The following TOX variants were observed in gnomAD, a reference collection of about 807,000 sequenced individuals.
TOX encodes the protein thymocyte selection associated high mobility group box, also known as thymocyte selection-associated high mobility group box protein TOX.
Under a neutral mutation model 53.7 loss-of-function variants are expected in TOX, and 11 were observed. That is an observed-to-expected ratio of 0.20 (90% CI 0.13 to 0.34). The LOEUF is 0.34. Ranked by LOEUF, TOX falls within the 10% of genes least tolerant of loss-of-function variation. The pLI is 1.00. For synonymous variants in TOX, 225 were observed against 245.3 expected, an observed-to-expected ratio of 0.92 and a Z score of 0.77; for missense variants, 570 against 664.6, an observed-to-expected ratio of 0.86 and a Z score of 1.56.
chr8:59,010,321 CT>C (rs1813879909), intron 1 of TOX, among the ~76,000 whole-genome samples: 1 of 152,072 alleles, frequency 6.6e-6, no homozygotes, highest in Non-Finnish European at 1.5e-5. Flanking sequence ...ATTATTATGA[CT>C]ATTACTATTA....
At chr8:58,873,957 G>GTTTTTTTTTTTTTT (rs1585873069) in intron 3 of TOX, among the ~76,000 whole-genome samples, 2 of 43,992 alleles carry the variant, frequency 4.5e-5, no homozygotes, top group African/African-American at 6.3e-4. Flanking sequence ...ATGCCAGGAA[G>GTTTTTTTTTTTTTT]CTTTTTTTTT....
In TOX at chr8:59,067,227, A is replaced by AGATGT. The variant is rs1290341355; in HGVS notation, c.102+51654_102+51658dup. 2.0e-5 allele frequency among the ~76,000 whole-genome samples: 3 copies of AGATGT among 152,316 alleles called. No homozygotes were observed. In the East Asian group the frequency reaches 5.8e-4, roughly 29 times the overall value. On this transcript the variant is annotated intron_variant, in intron 1 of 8. Transcript: ENST00000361421. The stretch of plus-strand genomic sequence containing the variant: ...AAAAACAAAAATAAAACAATCTTAA[A>AGATGT]GATGTGCTTAAACAATGCTCTCATT...
At position 58,815,411 on chromosome 8, in the gene TOX, G is replaced by A; in HGVS notation, c.1319C>T (p.Thr440Ile). ...HLNMQQHQPLTMQQPLGNQLP... is the reference protein window; with the variant it reads ...HLNMQQHQPLIMQQPLGNQLP... ...CTGGTTCCCAAGGGGCTGCTGCATG[G>A]TGAGCGGCTGGTGCTGCTGCATGTT... Residue 440 changes from threonine (T) to isoleucine (I), a missense_variant, in exon 7 of 9, where the codon ACC becomes ATC. Coordinates refer to ENST00000361421, the MANE Select transcript of TOX (RefSeq NM_014729.3). 2 of 1,614,014 alleles carry A rather than the reference G, an allele frequency of 1.2e-6. No homozygotes were observed. Among genetic ancestry groups the A allele is most frequent in the Non-Finnish European group, 8.5e-7 (1 of 1,179,950 alleles).
At chr8:58,869,244 G>A (rs1197889297) in intron 3 of TOX, among the ~76,000 whole-genome samples, 10 of 116,676 alleles carry the variant, frequency 8.6e-5, no homozygotes, top group African/African-American at 1.3e-4. Context: ...AAAAAAAAAA[G>A]CGTTAATAGA....
intron 2 of TOX, among the ~76,000 whole-genome samples, chr8:58,947,635 T>C (rs1900773): frequency 0.31 from 46,757 of 152,044 alleles, 7,454 homozygotes; most frequent in East Asian, 0.4. Context: ...GTTATAAAGA[T>C]AGTGAATTAG....
At chr8:58,810,480 A>G (rs1810058658) in intron 7 of TOX, among the ~76,000 whole-genome samples, 1 of 152,104 alleles carries the variant, frequency 6.6e-6, no homozygotes, top group African/African-American at 2.4e-5. Flanking sequence ...AGCTGGGACT[A>G]CAGGTGCTGC....
chr8:58,971,879 TG>T (rs1329623944), intron 1 of TOX, among the ~76,000 whole-genome samples: 1 of 152,168 alleles, frequency 6.6e-6, no homozygotes, highest in Admixed American at 6.5e-5. Flanking sequence ...TTGGTAGAGA[TG>T]GGATTTCACC....
intron 1 of TOX, among the ~76,000 whole-genome samples, chr8:59,002,797 A>C (rs147594018): frequency 1.6e-3 from 251 of 152,326 alleles, no homozygotes; most frequent in South Asian, 8.5e-3. Context: ...ATAGGGAATA[A>C]ATTAGTCATT....
intron 1 of TOX, among the ~76,000 whole-genome samples, chr8:59,052,400 G>A (rs1156917577): frequency 6.6e-6 from 1 of 152,140 alleles, no homozygotes; most frequent in East Asian, 1.9e-4. Context: ...CACGTGTCAT[G>A]TGGAAATAAA....
chr8:59,029,016 A>G (rs1366290), intron 1 of TOX, among the ~76,000 whole-genome samples: 66,234 of 152,006 alleles, frequency 0.44, 14,573 homozygotes, highest in Non-Finnish European at 0.47. Context: ...CAGCATACAA[A>G]TAGATAATTG....
At chr8:58,980,431 T>C (rs1813182000) in intron 1 of TOX, among the ~76,000 whole-genome samples, 1 of 152,222 alleles carries the variant, frequency 6.6e-6, no homozygotes, top group African/African-American at 2.4e-5. Flanking sequence ...TAAGATTTAC[T>C]CTTCTGTTTA....
intron 3 of TOX, among the ~76,000 whole-genome samples, chr8:58,861,709 C>T (rs1202525636): frequency 6.6e-6 from 1 of 152,144 alleles, no homozygotes; most frequent in Non-Finnish European, 1.5e-5. Context: ...CTAGAACTAC[C>T]TCTGTGTATT....
At chr8:59,028,056 C>T (rs376017230) in intron 1 of TOX, among the ~76,000 whole-genome samples, 1 of 152,128 alleles carries the variant, frequency 6.6e-6, no homozygotes, top group African/African-American at 2.4e-5. Flanking sequence ...ATATACTAAG[C>T]ATTAGAACTA....
intron 1 of TOX, among the ~76,000 whole-genome samples, chr8:59,035,308 T>G (rs2129420306): frequency 1.3e-5 from 2 of 152,224 alleles, no homozygotes; most frequent in South Asian, 4.1e-4. Flanking sequence ...AGCCAATAAT[T>G]TAATGCAAGT....
At chr8:58,884,544 C>T (rs1811436120) in intron 3 of TOX, among the ~76,000 whole-genome samples, 1 of 152,092 alleles carries the variant, frequency 6.6e-6, no homozygotes, top group Non-Finnish European at 1.5e-5. Context: ...TGTCAAAGAG[C>T]TTTGCAGGTA....
rs554819667 is a variant in TOX at position 58,844,506 on chromosome 8, T to C, written c.694-6195A>G. ...ATGCACAAATGTGAATTCCTTATGA[T>C]GACAAGCACATTGAAAGTAAGGAGC... On this transcript the variant is annotated intron_variant, in intron 4 of 8. Coordinates refer to ENST00000361421, the MANE Select transcript of TOX (RefSeq NM_014729.3). Among the ~76,000 whole-genome samples, 5 of 152,300 alleles carry C rather than the reference T, an allele frequency of 3.3e-5. No individual in the cohort carries two copies. In the South Asian group the frequency reaches 6.2e-4, roughly 19 times the overall value.
intron 3 of TOX, among the ~76,000 whole-genome samples, chr8:58,905,011 C>T (rs1466255986): frequency 6.6e-6 from 1 of 152,222 alleles, no homozygotes; most frequent in Middle Eastern, 3.2e-3. Flanking sequence ...TGGCTCACTG[C>T]AAGCTCCACC....
chr8:58,942,494 C>T (rs982747268), intron 2 of TOX, among the ~76,000 whole-genome samples: 2 of 152,050 alleles, frequency 1.3e-5, no homozygotes, highest in Admixed American at 1.3e-4. Context: ...TCATGATATG[C>T]TTATTTGCCA....
intron 1 of TOX, among the ~76,000 whole-genome samples, chr8:58,990,252 T>C (rs1363654438): frequency 1.3e-5 from 2 of 152,114 alleles, no homozygotes; most frequent in Non-Finnish European, 2.9e-5. Flanking sequence ...GAAATTCAGA[T>C]GGGATTTGAC....
Sources: allele counts gnomAD v4.1 joint callset (sites outside exome capture counted in the v4.1 genomes callset), GRCh38; gene constraint gnomAD v4.1.1; transcripts MANE v1.5; gene names NCBI Gene and HGNC (gene_info 2026-07-23, HGNC 2026-07-21).